The following ZNF99 variants were observed in gnomAD, a reference collection of about 807,000 sequenced individuals.
The protein encoded by ZNF99 is zinc finger protein ENSP00000375192.
In ZNF99, 8 loss-of-function variants were observed where a neutral mutation model predicts 12.8. The ratio of observed to expected loss-of-function variants is 0.62; its 90% CI spans 0.37 to 1.13. ZNF99 has a LOEUF of 1.13. Among genes scored for constraint, ZNF99 ranks in the 50% most tolerant of loss-of-function variants. The probability of loss-of-function intolerance (pLI) is 0.02; values close to 1 mark genes in which losing one functional copy is unlikely to be tolerated. For missense variants in ZNF99, 1,007 were observed against 1,006.2 expected (o/e 1.00, Z -0.01); for synonymous variants, 318 against 319.0 (o/e 1.00, Z 0.03).
At position 22,756,135 on chromosome 19, in the gene ZNF99, T is replaced by TAC; in HGVS notation, c.*1178_*1179insGT. ...TCTTCACATATGGAGGGTCTGTCTCTAGTATAAATTATCTTATGTGTATTA... is the reference window on the plus strand; with the variant it reads ...TCTTCACATATGGAGGGTCTGTCTCTACAGTATAAATTATCTTATGTGTATTA... On this transcript the variant is annotated 3_prime_UTR_variant, in exon 4 of 4. Transcript: ENST00000596209. 2 of 1,451,996 alleles carry TAC rather than the reference T, an allele frequency of 1.4e-6. No homozygotes were observed. The highest frequency in any genetic ancestry group is 1.9e-6 in the Non-Finnish European group (2 of 1,080,326). The allele number at this position is 1,451,996 out of a possible 1,614,324, so 89.9% of individuals were successfully genotyped here.
At position 22,753,196 on chromosome 19, in the gene ZNF99, C is replaced by T. The variant is rs1163292663; in HGVS notation, c.*4118G>A. 6.6e-6 allele frequency: 1 copy of T among 151,778 alleles called. No individual in the cohort carries two copies. The highest frequency in any genetic ancestry group is 6.6e-5 in the Admixed American group (1 of 15,206). The allele number at this position is 151,778 out of a possible 1,614,324, so 9.4% of individuals were successfully genotyped here. ...TAATTTTTTTGATATTTGAAGTATA[C>T]AAAAAGTATACTTCAAATGTAATTA... On this transcript the variant is annotated 3_prime_UTR_variant, in exon 4 of 4. Coordinates refer to ENST00000596209, the MANE Select transcript of ZNF99 (RefSeq NM_001080409.3).
intron 3 of ZNF99, among the ~76,000 whole-genome samples, chr19:22,764,441 T>C (rs1973183220): frequency 6.6e-6 from 1 of 151,966 alleles, no homozygotes; most frequent in Non-Finnish European, 1.5e-5. Context: ...AAAACAAACA[T>C]AAATTAGGGA....
intron 1 of ZNF99, among the ~76,000 whole-genome samples, chr19:22,778,601 T>G (rs1203767260): frequency 6.6e-6 from 1 of 152,172 alleles, no homozygotes; most frequent in Non-Finnish European, 1.5e-5. Context: ...TTCAATAATT[T>G]TATAGAGCTA....
At position 22,758,705 on chromosome 19, in the gene ZNF99, A is replaced by T; in HGVS notation, c.1204T>A (p.Cys402Ser). Reference protein sequence around the residue: ...TGQKPYKCEECGKAFKWSSKL... With the variant: ...TGQKPYKCEESGKAFKWSSKL... ...GAGGACCACTTAAAAGCTTTACCACATTCTTCACATTTGTAGGGTTTCTGT... is the reference window on the plus strand; with the variant it reads ...GAGGACCACTTAAAAGCTTTACCACTTTCTTCACATTTGTAGGGTTTCTGT... Residue 402 changes from cysteine to serine, a missense_variant, in exon 4 of 4, where the codon TGT becomes AGT. Coordinates refer to ENST00000596209, the MANE Select transcript of ZNF99 (RefSeq NM_001080409.3). 5 of 1,613,514 alleles carry T rather than the reference A, an allele frequency of 3.1e-6. No homozygotes were observed. Among genetic ancestry groups the T allele is most frequent in the Non-Finnish European group, 4.2e-6 (5 of 1,179,744 alleles).
chr19:22,763,339 G>A (rs543849217), intron 3 of ZNF99, among the ~76,000 whole-genome samples: 2 of 151,866 alleles, frequency 1.3e-5, no homozygotes, highest in East Asian at 3.9e-4. Context: ...TACACCAACA[G>A]CGACGAAGCA....
chr19:22,781,009 A>C (rs1973381110), intron 1 of ZNF99, among the ~76,000 whole-genome samples: 1 of 152,190 alleles, frequency 6.6e-6, no homozygotes, highest in African/African-American at 2.4e-5. Flanking sequence ...CCCAACCATA[A>C]AAAACACACC....
intron 1 of ZNF99, among the ~76,000 whole-genome samples, chr19:22,772,971 T>C (rs1973289308): frequency 6.6e-6 from 1 of 152,160 alleles, no homozygotes; most frequent in Admixed American, 6.6e-5. Flanking sequence ...ACTGGGTTTC[T>C]GGGCCCCATG....
intron 1 of ZNF99, chr19:22,774,422 T>C (rs1163720291): frequency 6.6e-6 from 1 of 152,302 alleles, no homozygotes; most frequent in Admixed American, 6.5e-5. Context: ...CAGCACTTTT[T>C]GATGAAGATT....
In ZNF99 at chr19:22,784,009, C is replaced by T. The variant is rs780335519; in HGVS notation, c.3+5G>A. On this transcript the variant is annotated splice_donor_5th_base_variant and intron_variant, in intron 1 of 3. Transcript: ENST00000596209. The stretch of plus-strand genomic sequence containing the variant: ...TTCTCAGGATATCGGACCCGGCACT[C>T]TCACCATTTCTAAGCTTCCAGGGGG... 6 of 1,613,790 alleles carry T rather than the reference C, an allele frequency of 3.7e-6. No individual in the cohort carries two copies. The East Asian group carries it at 1.1e-4, about 30-fold the overall frequency.
At chr19:22,779,194 A>T (rs1568388655) in intron 1 of ZNF99, among the ~76,000 whole-genome samples, 1 of 151,858 alleles carries the variant, frequency 6.6e-6, no homozygotes, top group Admixed American at 6.6e-5. Flanking sequence ...CCAGACACAG[A>T]CTCTGCACAT....
chr19:22,754,159 G>A lies in ZNF99; in HGVS notation c.*3155C>T, dbSNP rs568660344. On this transcript the variant is annotated 3_prime_UTR_variant, in exon 4 of 4. Coordinates refer to ENST00000596209, the MANE Select transcript of ZNF99 (RefSeq NM_001080409.3). ...AGGCGGGTGGATCACTTGAGGTCAG[G>A]AGTTCAAAACCAGCCTGGTCAAAAT... The A allele has an allele frequency of 8.8e-6, 4 of 452,760 alleles. No homozygotes were observed. The highest frequency in any genetic ancestry group is 7.1e-5 in the Admixed American group (3 of 42,372). 28.0% of individuals were successfully genotyped at this position (452,760 alleles called of 1,614,324 possible).
Position 22,758,270 on chromosome 19 carries a change from T to C in ZNF99, c.1639A>G (p.Asn547Asp). 6.2e-7 allele frequency: 1 copy of C among 1,609,618 alleles called. No individual in the cohort carries two copies. Among genetic ancestry groups the C allele is most frequent in the African/African-American group, 1.3e-5 (1 of 74,928 alleles). The change falls in exon 4 of 4, where the codon AAC becomes GAC. Residue 547 changes from asparagine (N) to aspartate (D), a missense_variant. Physicochemically the swap from Asn to Asp is conservative, Grantham distance 23. Coordinates refer to ENST00000596209, the MANE Select transcript of ZNF99 (RefSeq NM_001080409.3). ...TGTTTCATAAGGGTTGAGGAATTGT[T>C]AAAAGCTTTGCCACATTCTTCACAT... is the stretch of plus-strand genomic sequence containing the variant. ...YKCEECGKAF[N>D]NSSTLMKHKI...
intron 3 of ZNF99, among the ~76,000 whole-genome samples, chr19:22,762,719 A>G (rs1367121488): frequency 6.6e-6 from 1 of 152,198 alleles, no homozygotes; most frequent in African/African-American, 2.4e-5. Context: ...CCTGATGAAA[A>G]TAGATGCTAA....
At position 22,756,465 on chromosome 19, in the gene ZNF99, T is replaced by G; in HGVS notation, c.*849A>C. Reference sequence around the variant, plus strand: ...ACTCTTCACATTTGTAGGGTTTCTTTCCAGTATGAATTATCCTATGTTTAG... The same window carrying G: ...ACTCTTCACATTTGTAGGGTTTCTTGCCAGTATGAATTATCCTATGTTTAG... On this transcript the variant is annotated 3_prime_UTR_variant, in exon 4 of 4. Transcript: ENST00000596209. 6.3e-7 allele frequency: 1 copy of G among 1,594,628 alleles called. No homozygotes were observed. The highest frequency in any genetic ancestry group is 8.5e-7 in the Non-Finnish European group (1 of 1,173,230).
At chr19:22,767,262 G>T (rs1371813984) in intron 3 of ZNF99, among the ~76,000 whole-genome samples, 1 of 152,100 alleles carries the variant, frequency 6.6e-6, no homozygotes, top group African/African-American at 2.4e-5. Context: ...AAAACAGCCT[G>T]GTTGACGAAG....
chr19:22,769,549 C>T (rs188115008), intron 1 of ZNF99, among the ~76,000 whole-genome samples: 438 of 152,076 alleles, frequency 2.9e-3, no homozygotes, highest in African/African-American at 8.8e-3. Context: ...AGGAAGATCA[C>T]GAAGTCAGGA....
At chr19:22,769,001 C>A (rs1210397195) in intron 2 of ZNF99, among the ~76,000 whole-genome samples, 197 bp downstream of exon 2, 1 of 151,074 alleles carries the variant, frequency 6.6e-6, no homozygotes, top group East Asian at 1.9e-4. Flanking sequence ...TGCACTCCAG[C>A]CTGGGCAACA....
At chr19:22,762,128 A>AT (rs1055952882) in intron 3 of ZNF99, among the ~76,000 whole-genome samples, 1 of 152,062 alleles carries the variant, frequency 6.6e-6, no homozygotes, top group African/African-American at 2.4e-5. Context: ...AGAAAAAAAA[A>AT]TAGTCACAGT....
Position 22,753,764 on chromosome 19 carries a change from T to C in ZNF99, c.*3550A>G, listed in dbSNP as rs1427948142. 2 of 183,666 alleles carry C rather than the reference T, an allele frequency of 1.1e-5. No individual in the cohort carries two copies. Among genetic ancestry groups the C allele is most frequent in the African/African-American group, 4.7e-5 (2 of 42,126 alleles). 11.4% of individuals were successfully genotyped at this position (183,666 alleles called of 1,614,324 possible). On this transcript the variant is annotated 3_prime_UTR_variant, in exon 4 of 4. Coordinates refer to ENST00000596209, the MANE Select transcript of ZNF99 (RefSeq NM_001080409.3). ...AAGATGTGAGCAGATATTAATGGCTTTTCCACATTCTTCATAGGTGTACAT... is the reference window on the plus strand; with the variant it reads ...AAGATGTGAGCAGATATTAATGGCTCTTCCACATTCTTCATAGGTGTACAT...
Sources: allele counts gnomAD v4.1 joint callset (sites outside exome capture counted in the v4.1 genomes callset), GRCh38; gene constraint gnomAD v4.1.1; transcripts MANE v1.5; gene names NCBI Gene and HGNC (gene_info 2026-07-23, HGNC 2026-07-21).